The following LARGE1 variants were observed in gnomAD, a reference collection of about 807,000 sequenced individuals.
LARGE1 encodes LARGE xylosyl- and glucuronyltransferase 1.
A neutral mutation model predicts 87.6 loss-of-function variants in LARGE1; 43 were observed. The ratio of observed to expected loss-of-function variants is 0.49; its 90% CI spans 0.38 to 0.63. The LOEUF is 0.63. Among genes scored for constraint, LARGE1 ranks in the 30% least tolerant of loss-of-function variants. The probability of loss-of-function intolerance (pLI) is 0.00; values close to 1 mark genes in which losing one functional copy is unlikely to be tolerated. For missense variants in LARGE1, 802 were observed against 1,000.2 expected (o/e 0.80, Z 2.67); for synonymous variants, 434 against 394.6 (o/e 1.10, Z -1.18).
intron 12 of LARGE1, among the ~76,000 whole-genome samples, chr22:33,302,989 G>C (rs1934369233): frequency 6.6e-6 from 1 of 152,140 alleles, no homozygotes; most frequent in Admixed American, 6.5e-5. Context: ...CTAGGTATTG[G>C]CATAATTCAT....
intron 6 of LARGE1, among the ~76,000 whole-genome samples, chr22:33,512,049 A>G (rs1279021759): frequency 1.3e-5 from 2 of 152,230 alleles, no homozygotes; most frequent in African/African-American, 4.8e-5. Context: ...CCTGTAAAAA[A>G]TTAATGTCAT....
chr22:33,557,950 C>T (rs758461771), intron 6 of LARGE1, among the ~76,000 whole-genome samples: 1 of 152,222 alleles, frequency 6.6e-6, no homozygotes, highest in Non-Finnish European at 1.5e-5. Flanking sequence ...TGACCAAGAA[C>T]AGGCCAAGCC....
intron 6 of LARGE1, among the ~76,000 whole-genome samples, chr22:33,558,075 T>C (rs964165508): frequency 2.0e-5 from 3 of 152,154 alleles, no homozygotes; most frequent in African/African-American, 4.8e-5. Flanking sequence ...TTTTAAAATT[T>C]ATGTTTTTCT....
intron 6 of LARGE1, among the ~76,000 whole-genome samples, chr22:33,488,094 G>A (rs910675032): frequency 6.6e-6 from 1 of 152,170 alleles, no homozygotes; most frequent in African/African-American, 2.4e-5. Flanking sequence ...GGTGCCCAAA[G>A]GACTTGGTGA....
rs564965027 is a variant in LARGE1 at position 33,756,539 on chromosome 22, G to T, written c.106+4832C>A. 3.1e-3 allele frequency among the ~76,000 whole-genome samples: 476 copies of T among 152,250 alleles called. 8 individuals carry two copies. Among genetic ancestry groups the T allele is most frequent in the East Asian group, 2.5e-3 (13 of 5,174 alleles). On this transcript the variant is annotated intron_variant, in intron 2 of 14. Transcript: ENST00000397394. Reference sequence around the variant, plus strand: ...AGGCAGCCAGACAAAGAAGAGGAAGGAAGTAAGAGCAATAGAGGGTGTCAG... The same window carrying T: ...AGGCAGCCAGACAAAGAAGAGGAAGTAAGTAAGAGCAATAGAGGGTGTCAG...
At chr22:33,528,781 C>T (rs2148556630) in intron 6 of LARGE1, among the ~76,000 whole-genome samples, 1 of 152,302 alleles carries the variant, frequency 6.6e-6, no homozygotes, top group South Asian at 2.1e-4. Context: ...CCCATCACGG[C>T]CGACAACTTA....
intron 7 of LARGE1, among the ~76,000 whole-genome samples, chr22:33,394,926 T>C (rs1028608992): frequency 6.6e-6 from 1 of 151,962 alleles, no homozygotes; most frequent in African/African-American, 2.4e-5. Context: ...ATCCCAATCA[T>C]TATAAAAGGC....
rs571147490 is a variant in LARGE1 at position 33,468,648 on chromosome 22, G to A, written c.788-36383C>T. On this transcript the variant is annotated intron_variant, in intron 6 of 14. Coordinates refer to ENST00000397394, the MANE Select transcript of LARGE1 (RefSeq NM_133642.5). ...ATACATCTATTTTATTTTTCCCAGC[G>A]GCTCTCTGAGATACATATATTAATC... Among the ~76,000 whole-genome samples the A allele has an allele frequency of 3.3e-5, 5 of 152,152 alleles. No homozygotes were observed. In the South Asian group the frequency reaches 8.3e-4, roughly 25 times the overall value.
At chr22:33,798,408 A>C (rs891436942) in intron 1 of LARGE1, among the ~76,000 whole-genome samples, 1 of 152,226 alleles carries the variant, frequency 6.6e-6, no homozygotes, top group African/African-American at 2.4e-5. Flanking sequence ...ATTTCCCTCT[A>C]CAAATAAACA....
rs187176304 is a variant in LARGE1 at position 33,384,921 on chromosome 22, C to T, written c.893-617G>A. ...TAGGTGGAATTTGTACGATGTATAC[C>T]ATTTATCCGTACACACAAAAGCAGC... is the stretch of plus-strand genomic sequence containing the variant. On this transcript the variant is annotated intron_variant, in intron 7 of 14. Coordinates refer to ENST00000397394, the MANE Select transcript of LARGE1 (RefSeq NM_133642.5). Among the ~76,000 whole-genome samples the T allele has an allele frequency of 1.0e-3, 148 of 148,720 alleles. 6 individuals carry two copies. The highest frequency in any genetic ancestry group is 3.5e-3 in the African/African-American group (144 of 41,062).
At chr22:33,329,106 C>T (rs16992152) in intron 10 of LARGE1, among the ~76,000 whole-genome samples, 7,070 of 152,166 alleles carry the variant, frequency 0.046, 285 homozygotes, top group African/African-American at 0.12. Context: ...CGTAGGGATA[C>T]CCAGCAGGCT....
intron 1 of LARGE1, among the ~76,000 whole-genome samples, chr22:33,827,961 T>C (rs943908105): frequency 1.3e-5 from 2 of 152,012 alleles, no homozygotes; most frequent in African/African-American, 4.8e-5. Context: ...CATTGTCCTA[T>C]GGAAGACTTA....
chr22:33,540,542 C>T (rs1442441729), intron 6 of LARGE1, among the ~76,000 whole-genome samples: 1 of 152,230 alleles, frequency 6.6e-6, no homozygotes, highest in African/African-American at 2.4e-5. Flanking sequence ...AAACAGTACC[C>T]TGCCCCACTG....
At chr22:33,712,795 A>G (rs538845039) in intron 2 of LARGE1, among the ~76,000 whole-genome samples, 2 of 152,234 alleles carry the variant, frequency 1.3e-5, no homozygotes, top group Admixed American at 1.3e-4. Flanking sequence ...CTTGACCCCC[A>G]GCATTCTTCA....
chr22:33,330,011 A>AAC (rs145234700), intron 10 of LARGE1, among the ~76,000 whole-genome samples: 11,442 of 147,050 alleles, frequency 0.078, 1,419 homozygotes, highest in African/African-American at 0.27. Flanking sequence ...ACAGAACAAC[A>AAC]AAAAAAAACC....
At chr22:33,097,016 G>T in the LARGE1 span, among the ~76,000 whole-genome samples, 1 of 152,228 alleles carries the variant, frequency 6.6e-6, no homozygotes, top group East Asian at 1.9e-4. Flanking sequence ...TCTTGTGCTG[G>T]AATTGGAGGA....
Position 33,299,081 on chromosome 22 carries a change from G to A in LARGE1, c.1730+5148C>T, listed in dbSNP as rs763923426. ...AAAAAAATTGGCCCAGCATGGTGGC[G>A]CATGCCTATAATCCCAGCTACTGGG... On this transcript the variant is annotated intron_variant, in intron 12 of 14. Coordinates refer to ENST00000397394, the MANE Select transcript of LARGE1 (RefSeq NM_133642.5). 9.2e-5 allele frequency among the ~76,000 whole-genome samples: 14 copies of A among 151,922 alleles called. No homozygotes were observed. In the East Asian group the frequency reaches 1.2e-3, roughly 13 times the overall value.
intron 1 of LARGE1, among the ~76,000 whole-genome samples, chr22:33,809,465 C>T (rs979414343): frequency 4.6e-5 from 7 of 152,158 alleles, no homozygotes; most frequent in African/African-American, 1.7e-4. Context: ...GTGCATAGCA[C>T]ATAGGAAGTT....
At chr22:33,538,212 T>A (rs943347265) in intron 6 of LARGE1, among the ~76,000 whole-genome samples, 1 of 152,166 alleles carries the variant, frequency 6.6e-6, no homozygotes, top group East Asian at 1.9e-4. Flanking sequence ...CCCCTCAACC[T>A]CACCTACCCC....
Sources: allele counts gnomAD v4.1 joint callset (sites outside exome capture counted in the v4.1 genomes callset), GRCh38; gene constraint gnomAD v4.1.1; transcripts MANE v1.5; gene names NCBI Gene and HGNC (gene_info 2026-07-23, HGNC 2026-07-21).